Variants in ANK2 observed in about 807,000 individuals in gnomAD.
The protein encoded by ANK2 is ankyrin 2, also known as ankyrin-2.
ANK2 carries 83 observed loss-of-function variants against 360.5 expected under a neutral mutation model. The ratio of observed to expected loss-of-function variants is 0.23; its 90% CI spans 0.19 to 0.28. ANK2 has a LOEUF of 0.28. Ranked by LOEUF, ANK2 falls within the 10% of genes least tolerant of loss-of-function variation. ANK2 has a pLI of 1.00. For synonymous variants in ANK2, 1,740 were observed against 1,759.5 expected (o/e 0.99, Z 0.28); for missense variants, 4,201 against 4,795.7 (o/e 0.88, Z 3.66).
At chr4:113,049,386 G>T (rs906948166), upstream of ANK2, among the ~76,000 whole-genome samples, 4 of 152,132 alleles carry the variant, frequency 2.6e-5, no homozygotes, top group East Asian at 3.9e-4. Flanking sequence ...ATTAAGTACA[G>T]GTTTTGTGTG....
intron 2 of ANK2, among the ~76,000 whole-genome samples, chr4:112,954,967 T>A (rs1349008336): frequency 1.3e-5 from 2 of 152,154 alleles, no homozygotes; most frequent in East Asian, 3.8e-4. Flanking sequence ...ACCAAATATG[T>A]TTGTTATTGT....
intron 21 of ANK2, 49 bp from the exon 22 acceptor site, chr4:113,293,391 G>T: frequency 6.6e-7 from 1 of 1,524,384 alleles, no homozygotes; most frequent in Non-Finnish European, 9.0e-7. Context: ...GGCTCACATC[G>T]CAGTCCTCTC....
At chr4:113,340,692 C>G (rs1297489310) in intron 32 of ANK2, among the ~76,000 whole-genome samples, 1 of 149,950 alleles carries the variant, frequency 6.7e-6, no homozygotes, top group Non-Finnish European at 1.5e-5. Flanking sequence ...GACGTTGTCT[C>G]AAAAACAAAA....
intron 45 of ANK2, among the ~76,000 whole-genome samples, chr4:113,378,641 G>A (rs1589442695): frequency 6.6e-6 from 1 of 152,112 alleles, no homozygotes; most frequent in Non-Finnish European, 1.5e-5. Flanking sequence ...GCATGTGAGT[G>A]GCCAATAACA....
chr4:112,927,372 C>T (rs1434529317), intron 2 of ANK2, among the ~76,000 whole-genome samples: 2 of 152,238 alleles, frequency 1.3e-5, no homozygotes, highest in East Asian at 1.9e-4. Flanking sequence ...TAAATCCTTA[C>T]GTGACTCAGA....
the ANK2 span, among the ~76,000 whole-genome samples, chr4:112,709,794 T>C: frequency 6.6e-6 from 1 of 152,170 alleles, no homozygotes; most frequent in Admixed American, 6.5e-5. Flanking sequence ...ATCTGGACCT[T>C]ACCATCTTTT....
At chr4:113,023,820 T>C (rs901349595) in intron 2 of ANK2, among the ~76,000 whole-genome samples, 1 of 152,182 alleles carries the variant, frequency 6.6e-6, no homozygotes, top group Non-Finnish European at 1.5e-5. Context: ...AGATAATCAA[T>C]GAATTTTCTT....
chr4:113,107,614 C>A (rs529630723), intron 1 of ANK2, among the ~76,000 whole-genome samples: 1 of 152,196 alleles, frequency 6.6e-6, no homozygotes, highest in Non-Finnish European at 1.5e-5. Flanking sequence ...TGCACACACA[C>A]TATCTCTGGG....
chr4:113,191,814 A>T (rs2098669454), intron 2 of ANK2, among the ~76,000 whole-genome samples: 1 of 152,338 alleles, frequency 6.6e-6, no homozygotes, highest in Middle Eastern at 3.4e-3. Flanking sequence ...AAGAAACCTT[A>T]AATCCTATTG....
rs769085254 is a variant in ANK2, at chr4:113,367,813, G to A, written c.11280G>A (p.Leu3760=). The part of the protein sequence containing the change: ...QQDFSGKMQD[L]PEESSLEYQQ... ...ATTTCTCAGGGAAAATGCAAGACCT[G>A]CCTGAAGAGTCATCTCTGGAATATC... is the stretch of plus-strand genomic sequence containing the variant. The change falls in exon 42 of 46, where the codon CTG becomes CTA. Residue 3760 remains leucine (L), a synonymous_variant. Transcript: ENST00000357077. 1.2e-5 allele frequency: 19 copies of A among 1,613,992 alleles called. No homozygotes were observed. The highest frequency in any genetic ancestry group is 1.0e-4 in the Admixed American group (6 of 59,992).
chr4:113,253,461 TG>T (rs1275584839), intron 10 of ANK2, among the ~76,000 whole-genome samples: 2 of 152,204 alleles, frequency 1.3e-5, no homozygotes, highest in Admixed American at 6.5e-5. Context: ...GCCACTTGGA[TG>T]TCTCCTGGGC....
intron 2 of ANK2, among the ~76,000 whole-genome samples, chr4:112,985,635 C>T (rs1394539863): frequency 6.6e-6 from 1 of 152,172 alleles, no homozygotes; most frequent in Non-Finnish European, 1.5e-5. Context: ...AAGCTACTAG[C>T]TTCAGAGGAC....
At chr4:112,782,497 A>G in the ANK2 span, among the ~76,000 whole-genome samples, 1 of 152,322 alleles carries the variant, frequency 6.6e-6, no homozygotes, top group Non-Finnish European at 1.5e-5. Context: ...AGTCCTTTAC[A>G]TATATTAACT....
chr4:113,067,315 T>C (rs944321232), intron 1 of ANK2, among the ~76,000 whole-genome samples: 1 of 151,570 alleles, frequency 6.6e-6, no homozygotes, highest in Non-Finnish European at 1.5e-5. Context: ...GGGAGTGAAA[T>C]GGAGGGGGCG....
chr4:113,258,476 G>T, intron 13 of ANK2, 65 bp downstream of exon 13: 1 of 1,460,762 alleles, frequency 6.8e-7, no homozygotes, highest in Non-Finnish European at 9.6e-7. Flanking sequence ...GATTGTGGGT[G>T]TGTGTATGTG....
the ANK2 span, among the ~76,000 whole-genome samples, chr4:112,780,335 A>G: frequency 6.6e-6 from 1 of 152,330 alleles, no homozygotes. Context: ...ATTGCAGTCT[A>G]AAGATTTTTA....
chr4:113,336,568 T>G lies in ANK2; in HGVS notation c.3592-9T>G. 6.2e-7 allele frequency: 1 copy of G among 1,612,790 alleles called. No individual in the cohort carries two copies. The highest frequency in any genetic ancestry group is 1.3e-5 in the African/African-American group (1 of 75,000). ...CAAATATATATGTGTGTGTTTTTACTTTGAAAAGGCTCAACCTATGCACAG... is the reference window on the plus strand; with the variant it reads ...CAAATATATATGTGTGTGTTTTTACGTTGAAAAGGCTCAACCTATGCACAG... On this transcript the variant is annotated splice_polypyrimidine_tract_variant and intron_variant, in intron 30 of 45. Coordinates refer to ENST00000357077, the MANE Select transcript of ANK2 (RefSeq NM_001148.6).
At chr4:113,332,724 T>TTGG (rs1443855937) in intron 28 of ANK2, among the ~76,000 whole-genome samples, 7 of 152,232 alleles carry the variant, frequency 4.6e-5, no homozygotes, top group Non-Finnish European at 1.0e-4. Flanking sequence ...TTTTAGGAGA[T>TTGG]TGGCAGACAT....
intron 2 of ANK2, among the ~76,000 whole-genome samples, chr4:113,022,154 C>T (rs192037967): frequency 1.6e-4 from 24 of 152,220 alleles, no homozygotes; most frequent in Middle Eastern, 3.4e-3. Flanking sequence ...ATCAATTTGT[C>T]CAATTAGTGT....
Sources: gnomAD v4.1 joint callset for allele counts (sites outside exome capture counted in the v4.1 genomes callset) on GRCh38, gnomAD v4.1.1 for gene constraint, MANE v1.5 for transcripts, NCBI Gene and HGNC (gene_info 2026-07-23, HGNC 2026-07-21) for gene names.